The following SMAP2 variants were observed in gnomAD, a reference collection of about 807,000 sequenced individuals.
SMAP2 encodes small ArfGAP2, also known as stromal membrane-associated protein 2.
SMAP2 carries 25 observed loss-of-function variants against 56.4 expected under a neutral mutation model. The ratio of observed to expected loss-of-function variants is 0.44; its 90% CI spans 0.32 to 0.62. The LOEUF is 0.62. Ranked by LOEUF, SMAP2 falls within the 20% of genes least tolerant of loss-of-function variation. The probability of loss-of-function intolerance (pLI) is 0.04; values close to 1 mark genes in which losing one functional copy is unlikely to be tolerated. For synonymous variants in SMAP2, 157 were observed against 181.7 expected, an observed-to-expected ratio of 0.86 and a Z score of 1.09; for missense variants, 388 against 545.6, an observed-to-expected ratio of 0.71 and a Z score of 2.88.
chr1:40,421,352 A>G (rs1645039426), intron 9 of SMAP2, among the ~76,000 whole-genome samples: 1 of 152,040 alleles, frequency 6.6e-6, no homozygotes, highest in African/African-American at 2.4e-5. Flanking sequence ...TTTCCATCAG[A>G]TTCATGAAGG....
Position 40,374,624 on chromosome 1 carries a change from T to TGTGTGTGTGTGTGTGTGA in SMAP2, c.103+402_103+403insTGTGTGTGTGTGTGTGAG. 2 of 830,776 alleles carry TGTGTGTGTGTGTGTGTGA rather than the reference T, an allele frequency of 2.4e-6. No homozygotes were observed. Among genetic ancestry groups the TGTGTGTGTGTGTGTGTGA allele is most frequent in the South Asian group, 1.6e-5 (1 of 61,300 alleles). 51.5% of individuals were successfully genotyped at this position (830,776 alleles called of 1,614,324 possible). On this transcript the variant is annotated intron_variant, in intron 1 of 9. Coordinates refer to ENST00000372718, the MANE Select transcript of SMAP2 (RefSeq NM_022733.3). This position sits in a 1 kb window ranked among gnomAD's most constrained non-coding sequence, Gnocchi z 5.9. The stretch of plus-strand genomic sequence containing the variant: ...GTGTGTGTGTGTGTGTGTGTGTGTG[T>TGTGTGTGTGTGTGTGTGA]GAGAGAGAGAGAGAGAGAATGACGA...
chr1:40,414,010 A>G (rs1435959966), intron 5 of SMAP2, 149 bp from the exon 6 acceptor site: 1 of 660,486 alleles, frequency 1.5e-6, no homozygotes, highest in Non-Finnish European at 2.6e-6. Context: ...TGATTCTTTC[A>G]CCTAATACTT....
At chr1:40,380,771 C>T (rs923980884) in intron 1 of SMAP2, among the ~76,000 whole-genome samples, 1 of 152,096 alleles carries the variant, frequency 6.6e-6, no homozygotes, top group African/African-American at 2.4e-5. Flanking sequence ...CTCAGGTGAT[C>T]GCCCACCTTA....
chr1:40,410,656 G>C (rs1644926202), intron 4 of SMAP2, among the ~76,000 whole-genome samples: 1 of 152,206 alleles, frequency 6.6e-6, no homozygotes, highest in African/African-American at 2.4e-5. Flanking sequence ...AGGGAGACTG[G>C]CTACCAGTTG....
At chr1:40,417,198 G>A (rs1644997615) in intron 9 of SMAP2, 102 bp downstream of exon 9, 2 of 693,568 alleles carry the variant, frequency 2.9e-6, no homozygotes, top group East Asian at 6.0e-5. Flanking sequence ...CCATGTAGAT[G>A]AGATAATGTA....
rs530602433 is a variant in SMAP2 at position 40,422,471 on chromosome 1, G to A, written c.*370G>A. 18 of 221,112 alleles carry A rather than the reference G, an allele frequency of 8.1e-5. No individual in the cohort carries two copies. The South Asian group carries it at 1.4e-3, about 17-fold the overall frequency. 13.7% of individuals were successfully genotyped at this position (221,112 alleles called of 1,614,324 possible). On this transcript the variant is annotated 3_prime_UTR_variant, in exon 10 of 10. Transcript: ENST00000372718. ...AGGGTCTGTGGGTGTTGTATATTAG[G>A]CAAACAGGGGAAAGCTTAGAGGTCC...
Position 40,408,626 on chromosome 1 carries a change from A to C in SMAP2, c.238-27A>C. The stretch of plus-strand genomic sequence containing the variant: ...CAGTTCTTTCTTGATCTGACGTTCC[A>C]TGTTTCTACATTCTCTTTGGTCACA... On this transcript the variant is annotated intron_variant, in intron 2 of 9. Coordinates refer to ENST00000372718, the MANE Select transcript of SMAP2 (RefSeq NM_022733.3). The surrounding 1 kb of genome is among the most constrained non-coding windows in gnomAD (Gnocchi z 4.3). The C allele has an allele frequency of 6.3e-7, 1 of 1,595,984 alleles. No homozygotes were observed. Among genetic ancestry groups the C allele is most frequent in the East Asian group, 2.2e-5 (1 of 44,780 alleles).
intron 1 of SMAP2, among the ~76,000 whole-genome samples, chr1:40,358,405 G>T (rs945750880): frequency 1.3e-5 from 2 of 152,098 alleles, no homozygotes; most frequent in African/African-American, 4.8e-5. Flanking sequence ...TTAGCTGGGC[G>T]TGGTGGTGGA....
chr1:40,422,370 C>G lies in SMAP2; in HGVS notation c.*269C>G. The stretch of plus-strand genomic sequence containing the variant: ...CACCTTAGAAGTTGTTGGCAGAAGG[C>G]ACTTAAACTGTGGGAGAAGTGTGCA... On this transcript the variant is annotated 3_prime_UTR_variant, in exon 10 of 10. Transcript: ENST00000372718. The G allele has an allele frequency of 2.4e-6, 1 of 413,642 alleles. No individual in the cohort carries two copies. The highest frequency in any genetic ancestry group is 4.6e-6 in the Non-Finnish European group (1 of 219,434). The allele number at this position is 413,642 out of a possible 1,614,324, so 25.6% of individuals were successfully genotyped here.
chr1:40,399,716 AAAAGAAAAG>A (rs2124310792), intron 1 of SMAP2, among the ~76,000 whole-genome samples: 1 of 88,734 alleles, frequency 1.1e-5, no homozygotes, highest in South Asian at 4.2e-4. Flanking sequence ...AAAAAAAAAG[AAAAGAAAAG>A]AAAGAGTGAA....
chr1:40,356,569 C>T (rs979085613), intron 1 of SMAP2, among the ~76,000 whole-genome samples: 3 of 151,974 alleles, frequency 2.0e-5, no homozygotes, highest in African/African-American at 7.2e-5. Flanking sequence ...TGCCACCATG[C>T]CCAGCTAATT....
At chr1:40,421,934 A>G (rs1645047194) in intron 9 of SMAP2, 42 bp from the exon 10 acceptor site, 2 of 1,613,096 alleles carry the variant, frequency 1.2e-6, no homozygotes, top group Non-Finnish European at 8.5e-7. Flanking sequence ...AATTGGCGGA[A>G]TGCCCACAGC....
rs927167661 is a variant in SMAP2, at chr1:40,386,404, A to T, written c.103+12181A>T. On this transcript the variant is annotated intron_variant, in intron 1 of 9. Coordinates refer to ENST00000372718, the MANE Select transcript of SMAP2 (RefSeq NM_022733.3). The surrounding 1 kb of genome is among the most constrained non-coding windows in gnomAD (Gnocchi z 4.1). Reference sequence around the variant, plus strand: ...GAAAGGTCTTTCCTGTAGTGTGACTACAGTATTAACATTCCCAGATTATAT... The same window carrying T: ...GAAAGGTCTTTCCTGTAGTGTGACTTCAGTATTAACATTCCCAGATTATAT... Among the ~76,000 whole-genome samples, 2 of 152,196 alleles carry T rather than the reference A, an allele frequency of 1.3e-5. No homozygotes were observed. Among genetic ancestry groups the T allele is most frequent in the African/African-American group, 4.8e-5 (2 of 41,442 alleles).
upstream of SMAP2, among the ~76,000 whole-genome samples, chr1:40,370,987 A>T (rs574470823): frequency 6.6e-6 from 1 of 152,248 alleles, no homozygotes; most frequent in Admixed American, 6.5e-5. Context: ...ATCCTGGCTA[A>T]CAGGGTGAAA....
rs1281357392 is a variant in SMAP2 at position 40,386,857 on chromosome 1, T to G, written c.103+12634T>G. Among the ~76,000 whole-genome samples the G allele has an allele frequency of 6.7e-6, 1 of 148,796 alleles. No homozygotes were observed. The highest frequency in any genetic ancestry group is 1.5e-5 in the Non-Finnish European group (1 of 67,240). ...CTGAAGGTATTTTTCATAATTCTTTTTTTTTTTTTTTTTTGGAGACAAGGT... is the reference window on the plus strand; with the variant it reads ...CTGAAGGTATTTTTCATAATTCTTTGTTTTTTTTTTTTTTGGAGACAAGGT... On this transcript the variant is annotated intron_variant, in intron 1 of 9. Transcript: ENST00000372718. The surrounding 1 kb of genome is among the most constrained non-coding windows in gnomAD (Gnocchi z 4.1).
intron 1 of SMAP2, among the ~76,000 whole-genome samples, chr1:40,345,896 T>TTATATTATAC (rs1303447553): frequency 3.5e-5 from 5 of 142,406 alleles, no homozygotes; most frequent in Admixed American, 7.3e-5. Flanking sequence ...TTGTATTATA[T>TTATATTATAC]TATATTATAT....
rs4660409 is a variant in SMAP2 at position 40,411,368 on chromosome 1, C to T, written c.402+1533C>T. 0.011 allele frequency among the ~76,000 whole-genome samples: 1,640 copies of T among 152,220 alleles called. 74 individuals carry two copies. In the East Asian group the frequency reaches 0.15, roughly 14 times the overall value. On this transcript the variant is annotated intron_variant, in intron 4 of 9. Coordinates refer to ENST00000372718, the MANE Select transcript of SMAP2 (RefSeq NM_022733.3). Reference sequence around the variant, plus strand: ...GTCTGCCCAGCTCTGTTCATTGTGCCTAAAGATATGAACTCAGATGAGGTC... The same window carrying T: ...GTCTGCCCAGCTCTGTTCATTGTGCTTAAAGATATGAACTCAGATGAGGTC...
At chr1:40,421,605 G>A (rs1006689374) in intron 9 of SMAP2, among the ~76,000 whole-genome samples, 10 of 152,130 alleles carry the variant, frequency 6.6e-5, no homozygotes, top group African/African-American at 2.2e-4. Flanking sequence ...ACTGGGGAGG[G>A]GGCTTTCCTT....
chr1:40,371,739 C>T (rs935689909), upstream of SMAP2, among the ~76,000 whole-genome samples: 5 of 152,184 alleles, frequency 3.3e-5, no homozygotes, highest in South Asian at 2.1e-4. Context: ...GAAGGCAAAA[C>T]GCCAGAAATA....
Sources: allele counts gnomAD v4.1 joint callset (sites outside exome capture counted in the v4.1 genomes callset), GRCh38; gene constraint gnomAD v4.1.1; non-coding constraint Gnocchi (gnomAD v3.1); transcripts MANE v1.5; gene names NCBI Gene and HGNC (gene_info 2026-07-23, HGNC 2026-07-21).